The following ANXA4 variants were observed in gnomAD, a reference collection of about 807,000 sequenced individuals.
ANXA4 encodes the protein 35-beta calcimedin.
Under a neutral mutation model 49.8 loss-of-function variants are expected in ANXA4, and 39 were observed. That is an observed-to-expected ratio of 0.78 (90% CI 0.61 to 1.02). ANXA4 has a LOEUF of 1.02. Among genes scored for constraint, ANXA4 ranks in the 50% least tolerant of loss-of-function variants. The pLI, the probability that ANXA4 is intolerant of heterozygous loss-of-function variation, is 0.00. For missense variants in ANXA4, 360 were observed against 410.1 expected, an observed-to-expected ratio of 0.88 and a Z score of 1.05; for synonymous variants, 134 against 152.5, an observed-to-expected ratio of 0.88 and a Z score of 0.89.
chr2:69,772,889 C>T (rs910805507), intron 1 of ANXA4, among the ~76,000 whole-genome samples: 3 of 151,824 alleles, frequency 2.0e-5, no homozygotes, highest in Non-Finnish European at 4.4e-5. Flanking sequence ...TGGTGGCAGG[C>T]GTCTGTGATC....
chr2:69,686,661 T>A (rs578171678), intron 2 of ANXA4, among the ~76,000 whole-genome samples: 1 of 152,324 alleles, frequency 6.6e-6, no homozygotes, highest in South Asian at 2.1e-4. Flanking sequence ...CTCACTATAC[T>A]GCCCAGACTG....
chr2:69,734,075 C>T (rs755895794), intron 3 of ANXA4, among the ~76,000 whole-genome samples: 2 of 152,108 alleles, frequency 1.3e-5, no homozygotes, highest in Admixed American at 6.5e-5. Context: ...GGGTTGGGTA[C>T]CTTCCAGCAG....
At chr2:69,795,207 G>A (rs567528507) in intron 3 of ANXA4, among the ~76,000 whole-genome samples, 33 of 152,330 alleles carry the variant, frequency 2.2e-4, no homozygotes, top group African/African-American at 7.2e-4. Context: ...GGGGTCCTTT[G>A]ACAGTGCTTG....
At position 69,825,732 on chromosome 2, in the gene ANXA4, T is replaced by C. The variant is rs888803601; in HGVS notation, c.*217T>C. On this transcript the variant is annotated 3_prime_UTR_variant, in exon 13 of 13. Coordinates refer to ENST00000394295, the MANE Select transcript of ANXA4 (RefSeq NM_001153.5). Reference sequence around the variant, plus strand: ...CTTGCATTTCAAAGCTTATAAGATATAAATGGAGATTTTAAAGTAGAAATA... The same window carrying C: ...CTTGCATTTCAAAGCTTATAAGATACAAATGGAGATTTTAAAGTAGAAATA... 5 of 396,664 alleles carry C rather than the reference T, an allele frequency of 1.3e-5. No homozygotes were observed. Among genetic ancestry groups the C allele is most frequent in the Admixed American group, 4.4e-5 (1 of 22,538 alleles). 24.6% of individuals were successfully genotyped at this position (396,664 alleles called of 1,614,324 possible). A position where few individuals can be genotyped will look rare whatever the true frequency, so the allele number is the denominator to read the frequency against.
chr2:69,714,427 G>A lies in ANXA4; in HGVS notation n.767-6347G>A, dbSNP rs188256396. ...CCTACTCCTGGCAACCGAAGCCGAA[G>A]GAAGCCTAAGAATATAAGAGACGGG... is the stretch of plus-strand genomic sequence containing the variant. On this transcript the variant is annotated intron_variant and non_coding_transcript_variant, in intron 2 of 3. Transcript: ENST00000418066. 4.3e-3 allele frequency among the ~76,000 whole-genome samples: 655 copies of A among 152,348 alleles called. 3 individuals carry two copies. The highest frequency in any genetic ancestry group is 7.6e-3 in the Non-Finnish European group (520 of 68,030).
chr2:69,726,793 C>T (rs985101781), intron 3 of ANXA4, among the ~76,000 whole-genome samples: 3 of 152,164 alleles, frequency 2.0e-5, no homozygotes, highest in African/African-American at 4.8e-5. Flanking sequence ...TTAACATCCA[C>T]GTTGTTGTGT....
intron 1 of ANXA4, among the ~76,000 whole-genome samples, chr2:69,744,957 G>A (rs909185296): frequency 1.3e-5 from 2 of 152,140 alleles, no homozygotes; most frequent in Non-Finnish European, 2.9e-5. Context: ...GTTTCAACTG[G>A]AAAGGGAGCA....
chr2:69,802,291 C>A (rs1673233962), intron 3 of ANXA4, among the ~76,000 whole-genome samples: 1 of 151,984 alleles, frequency 6.6e-6, no homozygotes, highest in South Asian at 2.1e-4. Context: ...TAAGAAGAAA[C>A]CCTGAAATCT....
chr2:69,698,720 G>A (rs1033453296), intron 2 of ANXA4, among the ~76,000 whole-genome samples: 60 of 152,266 alleles, frequency 3.9e-4, no homozygotes, highest in African/African-American at 1.4e-3. Context: ...TCGATCATGA[G>A]GGGGATTCAA....
intron 2 of ANXA4, among the ~76,000 whole-genome samples, chr2:69,696,441 T>C (rs1466813054): frequency 6.6e-6 from 1 of 152,230 alleles, no homozygotes; most frequent in African/African-American, 2.4e-5. Context: ...ACTTGCTCCA[T>C]TGAAGTCTCA....
At chr2:69,716,566 G>A (rs1384055248) in intron 2 of ANXA4, among the ~76,000 whole-genome samples, 4 of 152,088 alleles carry the variant, frequency 2.6e-5, no homozygotes, top group Non-Finnish European at 4.4e-5. Flanking sequence ...ATGTGAGGGC[G>A]ACAGGGAGCC....
At chr2:69,789,522 G>C (rs975061071) in intron 3 of ANXA4, among the ~76,000 whole-genome samples, 2 of 152,076 alleles carry the variant, frequency 1.3e-5, no homozygotes, top group South Asian at 4.2e-4. Context: ...GGAGATTGAG[G>C]TTGCAGACAG....
intron 3 of ANXA4, among the ~76,000 whole-genome samples, chr2:69,733,044 T>A (rs933972899): frequency 6.6e-6 from 1 of 152,224 alleles, no homozygotes. Flanking sequence ...TGTTGTCAGT[T>A]TTTGTAAATG....
chr2:69,781,362 C>G (rs551407055), intron 1 of ANXA4, 158 bp from the exon 2 acceptor site: 100 of 621,174 alleles, frequency 1.6e-4, no homozygotes, highest in Admixed American at 1.1e-4. Context: ...CTAATTAGCC[C>G]ATTCCTTGTA....
At chr2:69,666,912 G>A (rs1302833500) in intron 2 of ANXA4, among the ~76,000 whole-genome samples, 1 of 152,102 alleles carries the variant, frequency 6.6e-6, no homozygotes, top group Non-Finnish European at 1.5e-5. Context: ...TAAGCGTGTT[G>A]GTGCACACCT....
At chr2:69,789,792 A>G (rs961939257) in intron 3 of ANXA4, among the ~76,000 whole-genome samples, 20 of 152,136 alleles carry the variant, frequency 1.3e-4, no homozygotes, top group Admixed American at 1.2e-3. Context: ...CTCTGACCAC[A>G]TAGATGGACT....
At chr2:69,774,331 C>T (rs941800203) in intron 1 of ANXA4, among the ~76,000 whole-genome samples, 1 of 68,542 alleles carries the variant, frequency 1.5e-5, no homozygotes, top group Non-Finnish European at 2.6e-5. Flanking sequence ...AAAGGAGCCC[C>T]CCCCCCCCCT....
chr2:69,787,807 C>G (rs924098169), intron 2 of ANXA4, among the ~76,000 whole-genome samples: 7 of 152,260 alleles, frequency 4.6e-5, no homozygotes, highest in African/African-American at 1.7e-4. Flanking sequence ...ATCTGCTTCA[C>G]AGCAATGCTC....
At chr2:69,711,913 T>G (rs948327416) in intron 2 of ANXA4, among the ~76,000 whole-genome samples, 3 of 151,634 alleles carry the variant, frequency 2.0e-5, no homozygotes, top group African/African-American at 7.3e-5. Context: ...ATATGGGGCA[T>G]GATGGGGGGG....
Sources: gnomAD v4.1 joint callset for allele counts (sites outside exome capture counted in the v4.1 genomes callset) on GRCh38, gnomAD v4.1.1 for gene constraint, MANE v1.5 for transcripts, NCBI Gene and HGNC (gene_info 2026-07-23, HGNC 2026-07-21) for gene names.